IL12RB2: variants seen among roughly 807,000 people sequenced by gnomAD.
IL12RB2 encodes interleukin 12 receptor subunit beta 2.
A neutral mutation model predicts 89.4 loss-of-function variants in IL12RB2; 82 were observed. The ratio of observed to expected loss-of-function variants is 0.92; its 90% CI spans 0.77 to 1.10. The LOEUF (loss-of-function observed/expected upper bound fraction) is 1.10, where lower values mean the gene tolerates loss of function less well. Among genes scored for constraint, IL12RB2 ranks in the 50% least tolerant of loss-of-function variants. The pLI, the probability that IL12RB2 is intolerant of heterozygous loss-of-function variation, is 0.00. For missense variants in IL12RB2, 963 were observed against 1,031.9 expected (o/e 0.93, Z 0.92); for synonymous variants, 368 against 370.1 (o/e 0.99, Z 0.07).
chr1:67,391,923 G>A (rs1426301214), intron 16 of IL12RB2, among the ~76,000 whole-genome samples: 4 of 152,116 alleles, frequency 2.6e-5, no homozygotes, highest in Admixed American at 6.5e-5. Context: ...GATTATAGGC[G>A]TGAGCCACCA....
intron 10 of IL12RB2, among the ~76,000 whole-genome samples, chr1:67,361,446 A>G (rs945110627): frequency 2.6e-5 from 4 of 152,228 alleles, no homozygotes; most frequent in African/African-American, 9.6e-5. Flanking sequence ...CAGGGTAATC[A>G]GAGAAATTAG....
In IL12RB2 at chr1:67,328,490, G is replaced by A. The variant is rs979618882; in HGVS notation, c.664+106G>A. On this transcript the variant is annotated intron_variant, in intron 6 of 16. Coordinates refer to ENST00000674203, the MANE Select transcript of IL12RB2 (RefSeq NM_001374259.2). The stretch of plus-strand genomic sequence containing the variant: ...AGAAAGACAGAGATTGATGGAAATT[G>A]GCCAACAGGCATAAGCAAAAGATAG... The A allele has an allele frequency of 1.9e-6, 3 of 1,579,584 alleles. No homozygotes were observed. The Admixed American group carries it at 5.3e-5, about 28-fold the overall frequency.
At chr1:67,319,939 A>G (rs977234437) in intron 2 of IL12RB2, among the ~76,000 whole-genome samples, 1 of 152,172 alleles carries the variant, frequency 6.6e-6, no homozygotes, top group African/African-American at 2.4e-5. Context: ...GGCCCCATCT[A>G]TGAACCGTCT....
rs188383854 is a variant in IL12RB2 at position 67,308,942 on chromosome 1, C to T, written c.-125+975C>T. The stretch of plus-strand genomic sequence containing the variant: ...GACTGAGGCAGGAGAATTGCTTGAA[C>T]CCGGGAGACAGAGGTTACAGTGAGC... On this transcript the variant is annotated intron_variant, in intron 1 of 16. Coordinates refer to ENST00000674203, the MANE Select transcript of IL12RB2 (RefSeq NM_001374259.2). Among the ~76,000 whole-genome samples the T allele has an allele frequency of 6.5e-3, 991 of 152,146 alleles. 10 individuals carry two copies. The highest frequency in any genetic ancestry group is 0.031 in the Middle Eastern group (9 of 294).
Position 67,395,981 on chromosome 1 carries a change from C to A in IL12RB2, c.2481C>A (p.Ile827=). 1 of 1,604,874 alleles carries A rather than the reference C, an allele frequency of 6.2e-7. No homozygotes were observed. The highest frequency in any genetic ancestry group is 8.5e-7 in the Non-Finnish European group (1 of 1,171,496). ...TGGAAGAACTGGAGCCTCAGCACATCTCCCTTTCTGTTTTCCCCTCAAGTT... is the reference window on the plus strand; with the variant it reads ...TGGAAGAACTGGAGCCTCAGCACATATCCCTTTCTGTTTTCCCCTCAAGTT... ...DSLEELEPQH[I]SLSVFPSSSL... is the part of the protein sequence containing the mutation. Residue 827 remains isoleucine, a synonymous_variant, in exon 17 of 17, where the codon ATC becomes ATA. Transcript: ENST00000674203.
At chr1:67,385,162 C>T (rs567389924) in intron 14 of IL12RB2, among the ~76,000 whole-genome samples, 1 of 152,306 alleles carries the variant, frequency 6.6e-6, no homozygotes, top group South Asian at 2.1e-4. Flanking sequence ...ATATCTGAGA[C>T]TGGGTAATTT....
chr1:67,355,048 G>C (rs975065161), intron 10 of IL12RB2, among the ~76,000 whole-genome samples: 3 of 152,006 alleles, frequency 2.0e-5, no homozygotes, highest in Admixed American at 6.6e-5. Flanking sequence ...CCCAGGAGTT[G>C]GAGGCTGCCG....
intron 10 of IL12RB2, among the ~76,000 whole-genome samples, chr1:67,361,720 A>G (rs903787986): frequency 6.6e-6 from 1 of 152,142 alleles, no homozygotes; most frequent in African/African-American, 2.4e-5. Flanking sequence ...AAAAAAAAGA[A>G]AGGAATAAAA....
intron 9 of IL12RB2, among the ~76,000 whole-genome samples, chr1:67,349,718 A>G (rs1333863134): frequency 6.6e-6 from 1 of 152,166 alleles, no homozygotes; most frequent in Admixed American, 6.5e-5. Flanking sequence ...AGAAATGGAG[A>G]TATAAAAACT....
intron 8 of IL12RB2, among the ~76,000 whole-genome samples, chr1:67,333,716 C>T (rs1317141077): frequency 6.6e-6 from 1 of 152,156 alleles, no homozygotes; most frequent in East Asian, 1.9e-4. Flanking sequence ...CTGATAGTGA[C>T]ACTGGGAAGA....
At chr1:67,339,486 CAAA>C (rs200086991) in intron 9 of IL12RB2, among the ~76,000 whole-genome samples, 3 of 77,356 alleles carry the variant, frequency 3.9e-5, no homozygotes, top group Non-Finnish European at 2.7e-5. Flanking sequence ...GACTACGTTT[CAAA>C]AAAAAAAAAA....
chr1:67,333,993 C>G (rs922723356), intron 8 of IL12RB2, among the ~76,000 whole-genome samples: 7 of 152,140 alleles, frequency 4.6e-5, no homozygotes, highest in African/African-American at 1.7e-4. Flanking sequence ...ACAAAGGAAT[C>G]GTTGCATGTT....
intron 4 of IL12RB2, among the ~76,000 whole-genome samples, chr1:67,325,251 GTGT>G (rs894704564): frequency 7.2e-5 from 11 of 152,320 alleles, no homozygotes; most frequent in South Asian, 4.1e-4. Flanking sequence ...CAGTGGTTTT[GTGT>G]TGTTGTTGTT....
chr1:67,394,215 A>G (rs1298974124), intron 16 of IL12RB2, among the ~76,000 whole-genome samples: 1 of 152,140 alleles, frequency 6.6e-6, no homozygotes, highest in East Asian at 1.9e-4. Context: ...GCAGGAACCA[A>G]TTGCCAGGCC....
intron 10 of IL12RB2, among the ~76,000 whole-genome samples, chr1:67,366,399 C>T (rs888417095): frequency 9.9e-5 from 14 of 142,082 alleles, no homozygotes; most frequent in African/African-American, 3.7e-4. Flanking sequence ...CGCAGTGAGC[C>T]GAGATGGTGC....
chr1:67,369,765 C>T (rs1030330406), intron 11 of IL12RB2, among the ~76,000 whole-genome samples: 6 of 152,176 alleles, frequency 3.9e-5, no homozygotes, highest in Non-Finnish European at 5.9e-5. Context: ...CTAGGCTGGG[C>T]GCGGTGGCTC....
In IL12RB2 at chr1:67,374,095, G is replaced by A. The variant is rs143359474; in HGVS notation, c.1717+1312G>A. 1.4e-4 allele frequency among the ~76,000 whole-genome samples: 17 copies of A among 125,226 alleles called. No homozygotes were observed. The East Asian group carries it at 4.0e-3, about 30-fold the overall frequency. 82.2% of individuals were successfully genotyped at this position (125,226 alleles called of 152,430 possible). A position where few individuals can be genotyped will look rare whatever the true frequency, so the allele number is the denominator to read the frequency against. ...CAATTGATGCATGTACAAGAATATA[G>A]TTGAGATCTTTTTCAACATTCTGAT... On this transcript the variant is annotated intron_variant, in intron 13 of 16. Transcript: ENST00000674203.
chr1:67,338,101 G>A (rs1322300728), intron 8 of IL12RB2, among the ~76,000 whole-genome samples: 3 of 151,468 alleles, frequency 2.0e-5, no homozygotes, highest in South Asian at 2.1e-4. Flanking sequence ...GGCCAAGGTG[G>A]GTGGATCTCT....
intron 10 of IL12RB2, among the ~76,000 whole-genome samples, chr1:67,352,946 T>A (rs1339007241): frequency 6.6e-6 from 1 of 152,214 alleles, no homozygotes; most frequent in East Asian, 1.9e-4. Context: ...CTTGGCAATA[T>A]GTAACAAACT....
Sources: gnomAD v4.1 joint callset for allele counts (sites outside exome capture counted in the v4.1 genomes callset) on GRCh38, gnomAD v4.1.1 for gene constraint, MANE v1.5 for transcripts, NCBI Gene and HGNC (gene_info 2026-07-23, HGNC 2026-07-21) for gene names.